The following ERI1 variants were observed in gnomAD, a reference collection of about 807,000 sequenced individuals.
ERI1 encodes the protein 3'-5' exoribonuclease 1.
In ERI1, 39 loss-of-function variants were observed where a neutral mutation model predicts 39.7. That is an observed-to-expected ratio of 0.98 (90% confidence interval 0.76 to 1.28). The LOEUF (loss-of-function observed/expected upper bound fraction) is 1.28, where lower values mean the gene tolerates loss of function less well. Ranked by LOEUF, ERI1 falls within the 50% of genes most tolerant of loss-of-function variation. The pLI is 0.00. For synonymous variants in ERI1, 204 were observed against 149.6 expected (o/e 1.36, Z -2.65); for missense variants, 581 against 416.9 (o/e 1.39, Z -3.43).
intron 3 of ERI1, among the ~76,000 whole-genome samples, chr8:9,056,440 G>A (rs1798509754): frequency 6.6e-6 from 1 of 152,200 alleles, no homozygotes; most frequent in Non-Finnish European, 1.5e-5. Context: ...TGTATAGTTT[G>A]CTTAACCATG....
At chr8:9,005,664 G>T (rs537250522) in intron 1 of ERI1, among the ~76,000 whole-genome samples, 1 of 147,170 alleles carries the variant, frequency 6.8e-6, no homozygotes, top group South Asian at 2.2e-4. Context: ...ACAGGCGCCC[G>T]CCCGGCTAAT....
chr8:9,030,083 T>C lies in ERI1; in HGVS notation c.*49T>C. The C allele has an allele frequency of 6.2e-7, 1 of 1,602,138 alleles. No homozygotes were observed. Among genetic ancestry groups the C allele is most frequent in the Non-Finnish European group, 8.5e-7 (1 of 1,171,282 alleles). On this transcript the variant is annotated 3_prime_UTR_variant, in exon 7 of 7. Transcript: ENST00000250263. ...TCCAATTGAAGTTGCTATGAAGAGG[T>C]AGCAGATGAATCTCATTGAATTAGT...
At chr8:9,023,150 A>G (rs539253750) in intron 6 of ERI1, among the ~76,000 whole-genome samples, 1 of 152,236 alleles carries the variant, frequency 6.6e-6, no homozygotes, top group South Asian at 2.1e-4. Context: ...GTATGTTAAT[A>G]CATCTCTTTA....
At chr8:9,093,427 A>T (rs1475964664) in intron 3 of ERI1, among the ~76,000 whole-genome samples, 1 of 151,664 alleles carries the variant, frequency 6.6e-6, no homozygotes, top group Admixed American at 6.6e-5. Flanking sequence ...GGGGCATGCA[A>T]TTCAACCCAT....
At position 9,016,341 on chromosome 8, in the gene ERI1, A is replaced by T. The variant is rs750958948; in HGVS notation, c.518A>T (p.Tyr173Phe). 6.2e-7 allele frequency: 1 copy of T among 1,606,118 alleles called. No homozygotes were observed. The change falls in exon 4 of 7, where the codon TAT (tyrosine) becomes TTT (phenylalanine). Residue 173 changes from tyrosine (Y) to phenylalanine (F), a missense_variant. Transcript: ENST00000250263. ...TTGCAGGAAGACACGTTTCAGCAGT[A>T]TGTAAGACCAGAGATTAACACACAG... ...TLEIEDTFQQ[Y>F]VRPEINTQLS...
At chr8:9,010,836 T>C (rs964753481) in intron 2 of ERI1, among the ~76,000 whole-genome samples, 6 of 152,184 alleles carry the variant, frequency 3.9e-5, no homozygotes, top group African/African-American at 1.4e-4. Flanking sequence ...ATTTGTGGAA[T>C]GTATATTTTA....
chr8:9,020,607 C>G (rs981194899), intron 6 of ERI1, 143 bp downstream of exon 6: 1 of 571,194 alleles, frequency 1.8e-6, no homozygotes, highest in Admixed American at 3.5e-5. Flanking sequence ...TTCCAAATTC[C>G]TTATGTTCAA....
At chr8:9,077,437 C>T (rs895872932) in intron 3 of ERI1, among the ~76,000 whole-genome samples, 10 of 152,132 alleles carry the variant, frequency 6.6e-5, no homozygotes, top group African/African-American at 2.2e-4. Context: ...TATCATGTGC[C>T]TATGTGCACA....
Position 9,039,935 on chromosome 8 carries a change from C to T in ERI1, n.299+19471C>T, listed in dbSNP as rs534491829. ...AGCAGTTTTGTCTATAGGTTTTATT[C>T]AGTGCCTCATGAAAATTCTGATAGT... is the stretch of plus-strand genomic sequence containing the variant. On this transcript the variant is annotated intron_variant and non_coding_transcript_variant, in intron 3 of 3. Coordinates refer to the ERI1 transcript ENST00000518663. Among the ~76,000 whole-genome samples, 15 of 152,204 alleles carry T rather than the reference C, an allele frequency of 9.9e-5. No homozygotes were observed. The East Asian group carries it at 2.5e-3, about 25-fold the overall frequency.
At chr8:9,068,359 CAG>C (rs760238556) in intron 3 of ERI1, among the ~76,000 whole-genome samples, 1 of 152,114 alleles carries the variant, frequency 6.6e-6, no homozygotes, top group Non-Finnish European at 1.5e-5. Context: ...TTTTTGGAGA[CAG>C]AGTCTCATTC....
intron 1 of ERI1, among the ~76,000 whole-genome samples, chr8:9,003,566 T>TA (rs1249841578): frequency 4.6e-5 from 7 of 152,190 alleles, no homozygotes; most frequent in African/African-American, 1.4e-4. Context: ...TGCCTGTTTT[T>TA]AAAAAAAGAA....
At chr8:9,047,664 A>G (rs893915686) in intron 3 of ERI1, among the ~76,000 whole-genome samples, 3 of 151,672 alleles carry the variant, frequency 2.0e-5, no homozygotes, top group East Asian at 1.9e-4. Context: ...GCACAATTGC[A>G]CTCCAGCCTG....
chr8:9,013,728 T>G (rs1409444621), intron 3 of ERI1, among the ~76,000 whole-genome samples: 1 of 152,172 alleles, frequency 6.6e-6, no homozygotes, highest in African/African-American at 2.4e-5. Context: ...ATCTTTAGCC[T>G]CCTGTAGCCT....
At chr8:9,005,038 T>G (rs1815836744) in intron 1 of ERI1, among the ~76,000 whole-genome samples, 1 of 152,190 alleles carries the variant, frequency 6.6e-6, no homozygotes, top group African/African-American at 2.4e-5. Flanking sequence ...TGAATTCAGG[T>G]GGTAAATTTC....
At chr8:9,088,467 G>A (rs1392678580) in intron 3 of ERI1, 1 of 152,226 alleles carries the variant, frequency 6.6e-6, no homozygotes, top group Non-Finnish European at 1.5e-5. Flanking sequence ...AAGAGAAAGA[G>A]GAAAGGACCA....
At chr8:9,033,609 T>A (rs1797737965), downstream of ERI1, among the ~76,000 whole-genome samples, 2 of 152,222 alleles carry the variant, frequency 1.3e-5, no homozygotes, top group African/African-American at 2.4e-5. Flanking sequence ...TGGAGCACTG[T>A]TAAGTACTTT....
chr8:9,016,805 C>G (rs1205252303), intron 4 of ERI1, among the ~76,000 whole-genome samples: 1 of 152,098 alleles, frequency 6.6e-6, no homozygotes, highest in Non-Finnish European at 1.5e-5. Context: ...CCTGCCTCAA[C>G]CTCCTGAGTA....
chr8:9,010,442 A>C (rs980252619), intron 2 of ERI1, among the ~76,000 whole-genome samples: 7 of 152,240 alleles, frequency 4.6e-5, no homozygotes, highest in African/African-American at 1.7e-4. Flanking sequence ...TGAAAATCTC[A>C]AGCAAAGAAA....
chr8:9,066,129 A>T (rs1468387683), intron 3 of ERI1, among the ~76,000 whole-genome samples: 1 of 151,060 alleles, frequency 6.6e-6, no homozygotes. Context: ...ATTCATCTCC[A>T]CCCTCTTCCT....
Sources: allele counts gnomAD v4.1 joint callset (sites outside exome capture counted in the v4.1 genomes callset), GRCh38; gene constraint gnomAD v4.1.1; transcripts MANE v1.5; gene names NCBI Gene and HGNC (gene_info 2026-07-23, HGNC 2026-07-21).